The following MGAM2 variants were observed in gnomAD, a reference collection of about 807,000 sequenced individuals.
The protein encoded by MGAM2 is maltase-glucoamylase 2 (putative), also known as probable maltase-glucoamylase 2.
MGAM2 carries 98 observed loss-of-function variants against 96.1 expected under a neutral mutation model. The ratio of observed to expected loss-of-function variants is 1.02; its 90% CI spans 0.87 to 1.21. The LOEUF is 1.21. Ranked by LOEUF, MGAM2 falls within the 50% of genes most tolerant of loss-of-function variation. The pLI, the probability that MGAM2 is intolerant of heterozygous loss-of-function variation, is 0.00. For missense variants in MGAM2, 2,055 were observed against 1,182.4 expected, an observed-to-expected ratio of 1.74 and a Z score of -10.82; for synonymous variants, 749 against 414.8, an observed-to-expected ratio of 1.81 and a Z score of -9.79.
In MGAM2 at chr7:142,221,030, T is replaced by C. The variant is rs1797910774; in HGVS notation, c.6519T>C (p.Val2173=). ...CTCATACAAGTACTGATGATACTGT[T>C]CCTAATAATACTGTTCCAGTTACAG... is the stretch of plus-strand genomic sequence containing the variant. ...ATSHTSTDDT[V]PNNTVPVTAI... is the part of the protein sequence containing the mutation. The change falls in exon 48 of 48, where the codon GTT becomes GTC. Residue 2173 remains valine, a synonymous_variant. Transcript: ENST00000477922. The C allele has an allele frequency of 1.4e-6, 1 of 702,374 alleles. No individual in the cohort carries two copies. Among genetic ancestry groups the C allele is most frequent in the East Asian group, 2.7e-5 (1 of 37,270 alleles). 43.5% of individuals were successfully genotyped at this position (702,374 alleles called of 1,614,324 possible). A position where few individuals can be genotyped will look rare whatever the true frequency, so the allele number is the denominator to read the frequency against.
At chr7:142,216,039 C>T (rs936966592) in intron 46 of MGAM2, among the ~76,000 whole-genome samples, 2 of 152,078 alleles carry the variant, frequency 1.3e-5, no homozygotes, top group Non-Finnish European at 2.9e-5. Flanking sequence ...TTTTTTAACA[C>T]ATGTATCAGA....
At chr7:142,200,415 A>G (rs1797184128) in intron 45 of MGAM2, among the ~76,000 whole-genome samples, 1 of 152,210 alleles carries the variant, frequency 6.6e-6, no homozygotes, top group South Asian at 2.1e-4. Flanking sequence ...TGACTCATAA[A>G]TTGGGAATTA....
chr7:142,118,065 A>G (rs1817477136), intron 2 of MGAM2, among the ~76,000 whole-genome samples: 1 of 152,128 alleles, frequency 6.6e-6, no homozygotes, highest in Non-Finnish European at 1.5e-5. Context: ...TAAGTGTATA[A>G]TACAGTATTG....
intron 3 of MGAM2, among the ~76,000 whole-genome samples, chr7:142,124,308 A>T (rs953536798): frequency 2.6e-5 from 4 of 152,058 alleles, no homozygotes; most frequent in Middle Eastern, 3.4e-3. Flanking sequence ...TAATCGATCC[A>T]TCACCACTTA....
Position 142,131,920 on chromosome 7 carries a change from T to A in MGAM2, c.421-11T>A, listed in dbSNP as rs1794900270. Reference sequence around the variant, plus strand: ...TATCTGCAGTTGTCCCTTCTGTTTTTCTTTTGACAGATCACTGACTTTAAT... The same window carrying A: ...TATCTGCAGTTGTCCCTTCTGTTTTACTTTTGACAGATCACTGACTTTAAT... On this transcript the variant is annotated splice_polypyrimidine_tract_variant and intron_variant, in intron 5 of 47. Coordinates refer to ENST00000477922, the MANE Select transcript of MGAM2 (RefSeq NM_001293626.2). 1.4e-6 allele frequency: 1 copy of A among 699,702 alleles called. No homozygotes were observed. Among genetic ancestry groups the A allele is most frequent in the Non-Finnish European group, 2.6e-6 (1 of 383,594 alleles). The allele number at this position is 699,702 out of a possible 1,614,324, so 43.3% of individuals were successfully genotyped here.
chr7:142,165,362 G>T (rs1458466943), intron 24 of MGAM2, among the ~76,000 whole-genome samples: 1 of 152,172 alleles, frequency 6.6e-6, no homozygotes, highest in Non-Finnish European at 1.5e-5. Flanking sequence ...ATTGAAGGGA[G>T]AATCTCTTTG....
At chr7:142,138,384 A>T (rs939963317) in intron 9 of MGAM2, among the ~76,000 whole-genome samples, 158 bp from the exon 10 acceptor site, 2 of 152,184 alleles carry the variant, frequency 1.3e-5, no homozygotes, top group Admixed American at 1.3e-4. Flanking sequence ...TTGGGAATAC[A>T]TTTATGTACT....
At chr7:142,203,713 T>A (rs878962596) in intron 45 of MGAM2, among the ~76,000 whole-genome samples, 1 of 152,100 alleles carries the variant, frequency 6.6e-6, no homozygotes, top group Non-Finnish European at 1.5e-5. Context: ...AACCATCTAA[T>A]CTTTGACAAA....
In MGAM2 at chr7:142,115,799, C is replaced by T. The variant is rs577305307; in HGVS notation, c.1-1075C>T. Among the ~76,000 whole-genome samples the T allele has an allele frequency of 1.4e-3, 208 of 152,164 alleles. 1 individual carries two copies. Among genetic ancestry groups the T allele is most frequent in the African/African-American group, 4.8e-3 (200 of 41,524 alleles). On this transcript the variant is annotated intron_variant, in intron 1 of 47. Transcript: ENST00000477922. ...GGCAGATGTTTCGGTGAGGCGAGAT[C>T]GTGCCATTGCACTCCAGCTGGGCAA...
At chr7:142,116,394 G>A (rs57104110) in intron 1 of MGAM2, among the ~76,000 whole-genome samples, 61,215 of 151,722 alleles carry the variant, frequency 0.4, 12,980 homozygotes, top group African/African-American at 0.52. Flanking sequence ...CGTTTAAACA[G>A]TCTCAACAGT....
At chr7:142,206,802 G>A (rs2129103718) in intron 45 of MGAM2, among the ~76,000 whole-genome samples, 2 of 152,296 alleles carry the variant, frequency 1.3e-5, no homozygotes, top group East Asian at 1.9e-4. Context: ...CAGTGTAAGT[G>A]TCATTTAAAT....
At chr7:142,204,767 T>C (rs1455194718) in intron 45 of MGAM2, among the ~76,000 whole-genome samples, 2 of 151,984 alleles carry the variant, frequency 1.3e-5, no homozygotes, top group African/African-American at 4.8e-5. Context: ...GTCTAACTTA[T>C]GAAAACAAAA....
chr7:142,209,435 A>C (rs971498770), intron 46 of MGAM2, among the ~76,000 whole-genome samples: 1 of 152,180 alleles, frequency 6.6e-6, no homozygotes, highest in African/African-American at 2.4e-5. Context: ...CATAACAGTG[A>C]TGCAATCAAT....
chr7:142,121,838 T>C (rs1162551031), intron 3 of MGAM2, among the ~76,000 whole-genome samples: 1 of 151,920 alleles, frequency 6.6e-6, no homozygotes, highest in Non-Finnish European at 1.5e-5. Context: ...TTTCTTTGTA[T>C]TAATATTATC....
intron 3 of MGAM2, among the ~76,000 whole-genome samples, chr7:142,127,933 A>C (rs906909505): frequency 6.6e-6 from 1 of 152,190 alleles, no homozygotes; most frequent in Non-Finnish European, 1.5e-5. Flanking sequence ...AAAATGTGGA[A>C]GCGACTTTGG....
chr7:142,217,237 G>A (rs113352230), intron 46 of MGAM2, among the ~76,000 whole-genome samples: 1,625 of 152,092 alleles, frequency 0.011, 26 homozygotes, highest in African/African-American at 0.037. Flanking sequence ...TTCATGATTT[G>A]GTTAACTTCC....
chr7:142,121,983 T>C (rs1794589678), intron 3 of MGAM2, among the ~76,000 whole-genome samples: 1 of 152,162 alleles, frequency 6.6e-6, no homozygotes, highest in Admixed American at 6.5e-5. Flanking sequence ...CAAAGTTAGC[T>C]ATTGGCTTAA....
At chr7:142,136,482 G>A in intron 7 of MGAM2, 59 bp from the exon 8 acceptor site, 2 of 564,092 alleles carry the variant, frequency 3.5e-6, no homozygotes, top group Admixed American at 3.1e-5. Context: ...TTTATTTTAG[G>A]GTGAATGAAA....
chr7:142,219,492 G>A (rs1297888853), intron 47 of MGAM2, among the ~76,000 whole-genome samples: 2 of 152,148 alleles, frequency 1.3e-5, no homozygotes. Context: ...CCTATTATGT[G>A]CCAGACACCA....
Sources: allele counts gnomAD v4.1 joint callset (sites outside exome capture counted in the v4.1 genomes callset), GRCh38; gene constraint gnomAD v4.1.1; transcripts MANE v1.5; gene names NCBI Gene and HGNC (gene_info 2026-07-23, HGNC 2026-07-21).